Variants in FBXO42 observed in about 807,000 individuals in gnomAD.
FBXO42 encodes the protein F-box protein 42, also known as F-box only protein 42.
FBXO42 carries 12 observed loss-of-function variants against 71.7 expected under a neutral mutation model. The ratio of observed to expected loss-of-function variants is 0.17; its 90% CI spans 0.11 to 0.27. FBXO42 has a LOEUF of 0.27. Among genes scored for constraint, FBXO42 ranks in the 10% least tolerant of loss-of-function variants. The probability of loss-of-function intolerance (pLI) is 1.00; values close to 1 mark genes in which losing one functional copy is unlikely to be tolerated. For synonymous variants in FBXO42, 325 were observed against 327.5 expected (o/e 0.99, Z 0.08); for missense variants, 707 against 911.9 (o/e 0.78, Z 2.89).
chr1:16,312,557 C>T (rs1269001671), intron 2 of FBXO42, among the ~76,000 whole-genome samples: 1 of 152,054 alleles, frequency 6.6e-6, no homozygotes, highest in Non-Finnish European at 1.5e-5. Flanking sequence ...ATTTTTAGGG[C>T]AGTGAAGCTA....
chr1:16,300,121 C>T (rs185166306), intron 3 of FBXO42, among the ~76,000 whole-genome samples: 59 of 152,256 alleles, frequency 3.9e-4, no homozygotes, highest in Non-Finnish European at 6.6e-4. Context: ...TAGTAATTTC[C>T]CTTTTCACAA....
Position 16,276,110 on chromosome 1 carries a change from G to A in FBXO42, c.502+18673C>T, listed in dbSNP as rs531061523. Reference sequence around the variant, plus strand: ...AAAACTGGAAAACTTGGCAGGGTGCGGTGGCTCACGCCTGTAATCCCAGCA... The same window carrying A: ...AAAACTGGAAAACTTGGCAGGGTGCAGTGGCTCACGCCTGTAATCCCAGCA... On this transcript the variant is annotated intron_variant, in intron 4 of 9. Transcript: ENST00000375592. 3.9e-5 allele frequency among the ~76,000 whole-genome samples: 6 copies of A among 152,148 alleles called. No individual in the cohort carries two copies. In the East Asian group the frequency reaches 7.7e-4, roughly 20 times the overall value.
chr1:16,345,093 C>T (rs371793455), intron 1 of FBXO42, among the ~76,000 whole-genome samples: 63 of 150,866 alleles, frequency 4.2e-4, no homozygotes, highest in African/African-American at 1.3e-3. Context: ...AGTGAGACTC[C>T]GTCTCAAAAA....
intron 2 of FBXO42, among the ~76,000 whole-genome samples, chr1:16,310,961 C>T (rs1054934146): frequency 6.0e-5 from 8 of 132,494 alleles, no homozygotes; most frequent in Admixed American, 4.7e-4. Context: ...GCAACAGAGC[C>T]GGACTCCATC....
chr1:16,271,084 A>G (rs2081838653), intron 4 of FBXO42, among the ~76,000 whole-genome samples: 1 of 152,118 alleles, frequency 6.6e-6, no homozygotes, highest in Admixed American at 6.6e-5. Flanking sequence ...GACATGCAGG[A>G]AGAGTGTTCC....
At chr1:16,287,384 A>G (rs757343662) in intron 4 of FBXO42, among the ~76,000 whole-genome samples, 12 of 152,030 alleles carry the variant, frequency 7.9e-5, no homozygotes, top group Non-Finnish European at 1.8e-4. Context: ...CCATCCTCTA[A>G]CATACTGTTA....
intron 4 of FBXO42, among the ~76,000 whole-genome samples, chr1:16,281,642 T>C (rs1022908022): frequency 1.3e-5 from 2 of 150,186 alleles, no homozygotes; most frequent in Admixed American, 6.6e-5. Flanking sequence ...CTAATTTTCT[T>C]TTTTTCTTTT....
intron 1 of FBXO42, among the ~76,000 whole-genome samples, chr1:16,344,373 C>T (rs1557609800): frequency 6.7e-6 from 1 of 148,742 alleles, no homozygotes; most frequent in African/African-American, 2.5e-5. Flanking sequence ...GGCTGGAGTA[C>T]AGTGGCTTGA....
chr1:16,263,010 A>C (rs2081731665), intron 4 of FBXO42, among the ~76,000 whole-genome samples: 1 of 152,044 alleles, frequency 6.6e-6, no homozygotes, highest in Non-Finnish European at 1.5e-5. Context: ...AACTTTGGTA[A>C]TTTCTATATC....
intron 4 of FBXO42, among the ~76,000 whole-genome samples, chr1:16,282,405 T>C (rs1266121937): frequency 6.6e-6 from 1 of 151,580 alleles, no homozygotes; most frequent in Non-Finnish European, 1.5e-5. Context: ...TTTGTATTTT[T>C]AGCAGAGACG....
intron 4 of FBXO42, among the ~76,000 whole-genome samples, chr1:16,284,243 T>C (rs1395740384): frequency 6.6e-6 from 1 of 152,198 alleles, no homozygotes; most frequent in Non-Finnish European, 1.5e-5. Flanking sequence ...GGCCAGGATT[T>C]CCAATGGTTT....
Position 16,350,749 on chromosome 1 carries a change from A to AGAAAGAAAG in FBXO42, c.-18+1505_-18+1506insCTTTCTTTC, listed in dbSNP as rs148379808. Reference sequence around the variant, plus strand: ...ATGACAGAGTGAGAAACTGCAAAAAAAAAAAAAAAAAGAAAGAAAGAAAGA... The same window carrying AGAAAGAAAG: ...ATGACAGAGTGAGAAACTGCAAAAAAGAAAGAAAGAAAAAAAAAAAGAAAGAAAGAAAGA... On this transcript the variant is annotated intron_variant, in intron 1 of 9. Transcript: ENST00000375592. Among the ~76,000 whole-genome samples the AGAAAGAAAG allele has an allele frequency of 3.3e-3, 161 of 48,086 alleles. 1 individual carries two copies. The highest frequency in any genetic ancestry group is 0.012 in the Middle Eastern group (1 of 84). 31.5% of individuals were successfully genotyped at this position (48,086 alleles called of 152,430 possible).
At chr1:16,310,632 GA>G (rs1028143963) in intron 2 of FBXO42, among the ~76,000 whole-genome samples, 1 of 152,134 alleles carries the variant, frequency 6.6e-6, no homozygotes, top group African/African-American at 2.4e-5. Context: ...CAGACTGAGA[GA>G]AAGTATTTGC....
At chr1:16,299,663 G>T (rs113010827) in intron 3 of FBXO42, among the ~76,000 whole-genome samples, 3,904 of 151,944 alleles carry the variant, frequency 0.026, 140 homozygotes, top group African/African-American at 0.09. Context: ...TTATTTTTTT[G>T]AGATGGAGTC....
At chr1:16,255,149 A>AGG (rs2081626772) in intron 6 of FBXO42, among the ~76,000 whole-genome samples, 1 of 152,196 alleles carries the variant, frequency 6.6e-6, no homozygotes, top group Admixed American at 6.5e-5. Flanking sequence ...GGCAAGGTGG[A>AGG]GGTTCCATCA....
rs567586839 is a variant in FBXO42, at chr1:16,286,109, C to G, written c.502+8674G>C. Among the ~76,000 whole-genome samples, 10 of 151,886 alleles carry G rather than the reference C, an allele frequency of 6.6e-5. No homozygotes were observed. In the South Asian group the frequency reaches 2.1e-3, roughly 32 times the overall value. The stretch of plus-strand genomic sequence containing the variant: ...CTGGTCTCAAACCCTTAGGCTGAAG[C>G]AATTCTGCCTCAGCCTCCCAAAGTG... On this transcript the variant is annotated intron_variant, in intron 4 of 9. Coordinates refer to ENST00000375592, the MANE Select transcript of FBXO42 (RefSeq NM_018994.3).
intron 4 of FBXO42, among the ~76,000 whole-genome samples, chr1:16,287,981 C>A (rs907187947): frequency 6.6e-5 from 10 of 152,054 alleles, no homozygotes; most frequent in African/African-American, 9.7e-5. Context: ...CCTGTCTCTA[C>A]TAAAAATACA....
chr1:16,293,647 A>G (rs1388371184), intron 4 of FBXO42: 6 of 152,190 alleles, frequency 3.9e-5, no homozygotes, highest in Admixed American at 3.9e-4. Context: ...GGCTCCTCCT[A>G]TATTTGCCTA....
In FBXO42 at chr1:16,352,480, G is replaced by A. The variant is rs972184624; in HGVS notation, c.-243C>T. On this transcript the variant is annotated 5_prime_UTR_variant, in exon 1 of 10. Transcript: ENST00000375592. ...GCTCAGGCCGGGAGAAGACAGCGCA[G>A]AGCGCGCATGCGCCGGGGCGGGCGC... The A allele has an allele frequency of 2.5e-6, 1 of 396,040 alleles. No homozygotes were observed. The highest frequency in any genetic ancestry group is 2.1e-5 in the African/African-American group (1 of 48,450). 24.5% of individuals were successfully genotyped at this position (396,040 alleles called of 1,614,324 possible).
Sources: allele counts gnomAD v4.1 joint callset (sites outside exome capture counted in the v4.1 genomes callset), GRCh38; gene constraint gnomAD v4.1.1; transcripts MANE v1.5; gene names NCBI Gene and HGNC (gene_info 2026-07-23, HGNC 2026-07-21).